The following WLS variants were observed in gnomAD, a reference collection of about 807,000 sequenced individuals.
The protein encoded by WLS is Wnt ligand secretion mediator, also known as protein wntless homolog.
Under a neutral mutation model 62.8 loss-of-function variants are expected in WLS, and 23 were observed. The ratio of observed to expected loss-of-function variants is 0.37; its 90% CI spans 0.26 to 0.52. The LOEUF is 0.52. WLS is among the 20% of genes least tolerant of loss of function. The pLI is 0.92. For missense variants in WLS, 615 were observed against 697.3 expected (o/e 0.88, Z 1.33); for synonymous variants, 246 against 244.1 (o/e 1.01, Z -0.07).
chr1:68,150,185 T>G lies in WLS; in HGVS notation c.972+3A>C, dbSNP rs1168903659. On this transcript the variant is annotated splice_donor_region_variant and intron_variant, in intron 6 of 11. Coordinates refer to ENST00000262348, the MANE Select transcript of WLS (RefSeq NM_024911.7). Reference sequence around the variant, plus strand: ...GACGTCTGTCCCTCCCGGCGGCTCTTACCATCATGTGCTCGCCACAGAAGA... The same window carrying G: ...GACGTCTGTCCCTCCCGGCGGCTCTGACCATCATGTGCTCGCCACAGAAGA... The G allele has an allele frequency of 6.2e-7, 1 of 1,613,846 alleles. No individual in the cohort carries two copies. The highest frequency in any genetic ancestry group is 1.3e-5 in the African/African-American group (1 of 74,918).
At chr1:68,130,889 C>CTTTTTT (rs56038722) in intron 11 of WLS, among the ~76,000 whole-genome samples, 10 of 100,822 alleles carry the variant, frequency 9.9e-5, no homozygotes, top group African/African-American at 2.3e-4. Context: ...GTTTCTTCTT[C>CTTTTTT]TTTTTTTTTT....
chr1:68,132,902 C>G (rs1470603270), intron 11 of WLS, among the ~76,000 whole-genome samples: 1 of 152,138 alleles, frequency 6.6e-6, no homozygotes, highest in Non-Finnish European at 1.5e-5. Context: ...GGCTTTGCTG[C>G]TGGAGCCCCG....
At chr1:68,110,007 T>TAAAAA (rs11290966) in intron 11 of WLS, among the ~76,000 whole-genome samples, 74 of 28,328 alleles carry the variant, frequency 2.6e-3, no homozygotes, top group East Asian at 5.2e-3. Flanking sequence ...ACACAAAAAG[T>TAAAAA]AAAAAAAAAA....
rs1646774746 is a variant in WLS, at chr1:68,148,019, GA to G, written c.1134+116del. 4.7e-6 allele frequency: 5 copies of G among 1,070,954 alleles called. No individual in the cohort carries two copies. The South Asian group carries it at 6.9e-5, about 15-fold the overall frequency. The allele number at this position is 1,070,954 out of a possible 1,614,324, so 66.3% of individuals were successfully genotyped here. ...AATTGTGCTGTTATGATTGGCCTGAGAATCAAAGCCCTGGCTGAGTACATAT... is the reference window on the plus strand; with the variant it reads ...AATTGTGCTGTTATGATTGGCCTGAGATCAAAGCCCTGGCTGAGTACATAT... On this transcript the variant is annotated intron_variant, in intron 8 of 11. Transcript: ENST00000262348.
downstream of WLS, among the ~76,000 whole-genome samples, chr1:68,121,818 T>C (rs1243929845): frequency 2.6e-5 from 4 of 152,154 alleles, no homozygotes; most frequent in African/African-American, 9.7e-5. Context: ...GTTCACTCTC[T>C]CACCGACTCT....
chr1:68,129,770 C>T (rs553600341), intron 11 of WLS, among the ~76,000 whole-genome samples: 1 of 152,178 alleles, frequency 6.6e-6, no homozygotes, highest in Non-Finnish European at 1.5e-5. Flanking sequence ...CTCTTGGCTC[C>T]TGCTGTTCAG....
At chr1:68,122,096 C>G (rs538917959), downstream of WLS, among the ~76,000 whole-genome samples, 1 of 152,274 alleles carries the variant, frequency 6.6e-6, no homozygotes, top group Admixed American at 6.5e-5. Flanking sequence ...TTATAGATTC[C>G]CCAATGTTAC....
chr1:68,109,949 C>T (rs1646199023), intron 11 of WLS, among the ~76,000 whole-genome samples: 1 of 139,116 alleles, frequency 7.2e-6, no homozygotes, highest in Non-Finnish European at 1.5e-5. Context: ...AAATCCTAAA[C>T]TGATGGTGGG....
intron 2 of WLS, among the ~76,000 whole-genome samples, chr1:68,189,249 G>A (rs1648151517): frequency 6.6e-6 from 1 of 152,036 alleles, no homozygotes; most frequent in Non-Finnish European, 1.5e-5. Flanking sequence ...TGCAAGAGTA[G>A]GGATGCTGGC....
chr1:68,225,480 G>A (rs569838580), intron 1 of WLS, among the ~76,000 whole-genome samples: 1 of 152,096 alleles, frequency 6.6e-6, no homozygotes, highest in East Asian at 1.9e-4. Context: ...TGAAATAGTC[G>A]TGATCATTTC....
intron 11 of WLS, among the ~76,000 whole-genome samples, chr1:68,109,246 G>T (rs2033348): frequency 0.45 from 68,686 of 152,136 alleles, 15,812 homozygotes; most frequent in Middle Eastern, 0.52. Flanking sequence ...GTTTCTATAG[G>T]TGGGTAACCC....
chr1:68,172,454 T>C (rs1647169066), intron 2 of WLS, among the ~76,000 whole-genome samples: 1 of 148,580 alleles, frequency 6.7e-6, no homozygotes, highest in African/African-American at 2.5e-5. Context: ...GTGAAACAAT[T>C]AAACTTCTTC....
chr1:68,231,743 C>A (rs1430714310), intron 1 of WLS: 1 of 465,194 alleles, frequency 2.1e-6, no homozygotes, highest in East Asian at 6.8e-5. Flanking sequence ...TCCGGGTTTG[C>A]GCCGGGCACA....
chr1:68,159,068 C>G, intron 3 of WLS, 55 bp downstream of exon 3: 2 of 1,605,930 alleles, frequency 1.2e-6, no homozygotes, highest in South Asian at 1.1e-5. Context: ...GCAAATCTTT[C>G]CACATACCTG....
At chr1:68,121,505 G>A (rs1439859601), downstream of WLS, among the ~76,000 whole-genome samples, 1 of 152,200 alleles carries the variant, frequency 6.6e-6, no homozygotes, top group Non-Finnish European at 1.5e-5. Context: ...CCCGATGTCA[G>A]CAGAAAAGGG....
At chr1:68,204,601 C>A (rs891753616) in intron 1 of WLS, among the ~76,000 whole-genome samples, 2 of 152,118 alleles carry the variant, frequency 1.3e-5, no homozygotes, top group African/African-American at 4.8e-5. Flanking sequence ...GCCACCGCGC[C>A]CGGCCGGAAA....
At chr1:68,108,210 CTG>C (rs889751857) in intron 11 of WLS, among the ~76,000 whole-genome samples, 1 of 152,206 alleles carries the variant, frequency 6.6e-6, no homozygotes, top group South Asian at 2.1e-4. Flanking sequence ...ACAGGGAAGA[CTG>C]GAACTCTGGA....
chr1:68,165,032 C>T (rs1250474528), intron 2 of WLS, among the ~76,000 whole-genome samples: 2 of 152,116 alleles, frequency 1.3e-5, no homozygotes, highest in Non-Finnish European at 2.9e-5. Context: ...AGTCAGAGCT[C>T]CCATGGAGTC....
rs774093640 is a variant in WLS, at chr1:68,194,009, A to G, written c.325T>C (p.Phe109Leu). 5 of 1,614,204 alleles carry G rather than the reference A, an allele frequency of 3.1e-6. No individual in the cohort carries two copies. The highest frequency in any genetic ancestry group is 4.2e-6 in the Non-Finnish European group (5 of 1,180,036). Reference sequence around the variant, plus strand: ...TCCAGCTGCAGGATAAACAGCATGAATTGGAACCAAGGACTCATCTCCATG... The same window carrying G: ...TCCAGCTGCAGGATAAACAGCATGAGTTGGAACCAAGGACTCATCTCCATG... ...PHMEMSPWFQ[F>L]MLFILQLDIA... Residue 109 changes from phenylalanine to leucine, a missense_variant, in exon 2 of 12, where the codon TTC becomes CTC. Transcript: ENST00000262348.
Sources: gnomAD v4.1 joint callset for allele counts (sites outside exome capture counted in the v4.1 genomes callset) on GRCh38, gnomAD v4.1.1 for gene constraint, MANE v1.5 for transcripts, NCBI Gene and HGNC (gene_info 2026-07-23, HGNC 2026-07-21) for gene names.